The following SLC41A3 variants were observed in gnomAD, a reference collection of about 807,000 sequenced individuals.
The protein encoded by SLC41A3 is SLC41A1-like 2.
In SLC41A3, 44 loss-of-function variants were observed where a neutral mutation model predicts 45.4. The observed-to-expected ratio is 0.97, with a 90% CI of 0.76 to 1.25. The LOEUF (loss-of-function observed/expected upper bound fraction) is 1.25, where lower values mean the gene tolerates loss of function less well. SLC41A3 is among the 50% of genes most tolerant of loss of function. The probability of loss-of-function intolerance (pLI) is 0.00; values close to 1 mark genes in which losing one functional copy is unlikely to be tolerated. For synonymous variants in SLC41A3, 256 were observed against 252.4 expected, an observed-to-expected ratio of 1.01 and a Z score of -0.13; for missense variants, 550 against 600.6, an observed-to-expected ratio of 0.92 and a Z score of 0.88.
chr3:126,048,090 A>AT (rs1451493718), intron 3 of SLC41A3, among the ~76,000 whole-genome samples: 1 of 152,212 alleles, frequency 6.6e-6, no homozygotes, highest in Non-Finnish European at 1.5e-5. Context: ...AGTTTTCCAA[A>AT]GAAGACATAC....
intron 9 of SLC41A3, among the ~76,000 whole-genome samples, chr3:126,010,557 A>G (rs1939601405): frequency 6.6e-6 from 1 of 152,364 alleles, no homozygotes; most frequent in South Asian, 2.1e-4. Context: ...CTTTCAGACA[A>G]TAACTCTATT....
At chr3:126,046,961 CAA>C (rs36095026) in intron 3 of SLC41A3, among the ~76,000 whole-genome samples, 9 of 81,214 alleles carry the variant, frequency 1.1e-4, no homozygotes, top group Non-Finnish European at 1.5e-4. Flanking sequence ...AACTCCATCT[CAA>C]AAAAAAAAAA....
At chr3:126,070,947 G>A (rs539192140) in intron 1 of SLC41A3, among the ~76,000 whole-genome samples, 3 of 151,792 alleles carry the variant, frequency 2.0e-5, no homozygotes, top group South Asian at 2.1e-4. Context: ...ATCCAAACAC[G>A]ATTATTATAA....
intron 3 of SLC41A3, among the ~76,000 whole-genome samples, chr3:126,045,955 C>A (rs575345172): frequency 6.6e-6 from 1 of 151,372 alleles, no homozygotes; most frequent in Non-Finnish European, 1.5e-5. Flanking sequence ...GCTCCACATA[C>A]AAAAATCAAT....
intron 1 of SLC41A3, among the ~76,000 whole-genome samples, chr3:126,074,225 A>G (rs1944767934): frequency 6.6e-6 from 1 of 151,810 alleles, no homozygotes; most frequent in Non-Finnish European, 1.5e-5. Flanking sequence ...CTAGACATTA[A>G]GACAAGAATT....
Position 126,023,031 on chromosome 3 carries a change from G to A in SLC41A3, c.599-99C>T, listed in dbSNP as rs535471718. On this transcript the variant is annotated intron_variant, in intron 5 of 10. Coordinates refer to ENST00000360370, the MANE Select transcript of SLC41A3 (RefSeq NM_017836.4). ...ACAGGGATGGGCGGCACTGAGTAGGGACTGGCAGGTGGCAGGGAGGCTGCT... is the reference window on the plus strand; with the variant it reads ...ACAGGGATGGGCGGCACTGAGTAGGAACTGGCAGGTGGCAGGGAGGCTGCT... 48 of 1,494,000 alleles carry A rather than the reference G, an allele frequency of 3.2e-5. 1 individual carries two copies. The South Asian group carries it at 5.4e-4, about 17-fold the overall frequency. 92.5% of individuals were successfully genotyped at this position (1,494,000 alleles called of 1,614,324 possible). A position where few individuals can be genotyped will look rare whatever the true frequency, so the allele number is the denominator to read the frequency against.
chr3:126,012,639 G>A lies in SLC41A3; in HGVS notation c.1081C>T (p.Pro361Ser). 1 of 1,614,180 alleles carries A rather than the reference G, an allele frequency of 6.2e-7. No individual in the cohort carries two copies. The highest frequency in any genetic ancestry group is 8.5e-7 in the Non-Finnish European group (1 of 1,180,044). Residue 361 changes from proline to serine, a missense_variant, in exon 9 of 11, where the codon CCG (proline) becomes TCG (serine). Coordinates refer to ENST00000360370, the MANE Select transcript of SLC41A3 (RefSeq NM_017836.4). ...CCTGACGTGCAGAAAGTAGAACACG[G>A]GTTGGGCCAGAATTTCTTCATCTGG... ...PLQMKKFWPN[P>S]CSTFCTSEIN...
chr3:126,061,086 G>A (rs1944041039), intron 2 of SLC41A3, among the ~76,000 whole-genome samples: 1 of 152,146 alleles, frequency 6.6e-6, no homozygotes, highest in Admixed American at 6.5e-5. Flanking sequence ...ACACTGCAGT[G>A]GGAACTGCTT....
At chr3:126,008,058 A>C (rs1939294618) in intron 10 of SLC41A3, among the ~76,000 whole-genome samples, 1 of 151,912 alleles carries the variant, frequency 6.6e-6, no homozygotes, top group Non-Finnish European at 1.5e-5. Flanking sequence ...CTGCCCACCC[A>C]CCGTTGGGGA....
intron 2 of SLC41A3, among the ~76,000 whole-genome samples, chr3:126,052,272 C>A (rs1051083626): frequency 6.6e-6 from 1 of 152,170 alleles, no homozygotes; most frequent in African/African-American, 2.4e-5. Context: ...AGCCTGCACA[C>A]CCTCCACATA....
At chr3:126,031,139 A>G (rs55776343) in intron 4 of SLC41A3, among the ~76,000 whole-genome samples, 24,423 of 152,222 alleles carry the variant, frequency 0.16, 2,150 homozygotes, top group African/African-American at 0.22. Flanking sequence ...ATGGGCACAC[A>G]CATTTATATG....
chr3:126,070,768 C>T (rs913417203), intron 1 of SLC41A3, among the ~76,000 whole-genome samples: 1 of 152,118 alleles, frequency 6.6e-6, no homozygotes, highest in Non-Finnish European at 1.5e-5. Context: ...GAATTAGGAT[C>T]CTAGACACTA....
chr3:126,095,332 G>A (rs769671377), intron 1 of SLC41A3: 8 of 581,604 alleles, frequency 1.4e-5, no homozygotes, highest in Non-Finnish European at 2.4e-5. Context: ...GACCCCAACT[G>A]TCACAAGCAA....
In SLC41A3 at chr3:126,068,079, G is replaced by A. The variant is rs142041472; in HGVS notation, c.141C>T (p.Ser47=). 8.7e-6 allele frequency: 14 copies of A among 1,613,664 alleles called. No homozygotes were observed. The highest frequency in any genetic ancestry group is 2.2e-5 in the South Asian group (2 of 91,060). Residue 47 remains serine, a synonymous_variant, in exon 2 of 11, where the codon AGC becomes AGT. Coordinates refer to ENST00000360370, the MANE Select transcript of SLC41A3 (RefSeq NM_017836.4). Reference sequence around the variant, plus strand: ...CAGTCTCCAGTGGCTTGGGGGTCACGCTTTGGCTCTCAGGGGCCCTGAGAG... The same window carrying A: ...CAGTCTCCAGTGGCTTGGGGGTCACACTTTGGCTCTCAGGGGCCCTGAGAG... The part of the protein sequence containing the change: ...DGALRAPESQ[S]VTPKPLETEP...
intron 10 of SLC41A3, among the ~76,000 whole-genome samples, chr3:126,007,544 C>T (rs1016293831): frequency 2.0e-5 from 3 of 152,278 alleles, no homozygotes; most frequent in East Asian, 1.9e-4. Context: ...GGGACTTTGC[C>T]GAGATGTCCA....
chr3:126,083,133 G>A (rs1438551962), intron 1 of SLC41A3, among the ~76,000 whole-genome samples: 1 of 152,218 alleles, frequency 6.6e-6, no homozygotes. Context: ...CTCAACCCCA[G>A]TTCAGACTCC....
intron 3 of SLC41A3, among the ~76,000 whole-genome samples, chr3:126,035,756 A>G (rs918351367): frequency 1.3e-5 from 2 of 152,134 alleles, no homozygotes; most frequent in Non-Finnish European, 2.9e-5. Context: ...TCTAGAACAG[A>G]GCCAGAAGGC....
intron 6 of SLC41A3, among the ~76,000 whole-genome samples, chr3:126,022,429 G>T (rs1940965483): frequency 6.6e-6 from 1 of 152,232 alleles, no homozygotes; most frequent in Non-Finnish European, 1.5e-5. Flanking sequence ...GCAGCATTTG[G>T]TGAGGGCCTT....
rs57581225 is a variant in SLC41A3, at chr3:126,044,895, C to CAAAAAAAAAAAAAAAAAAAAAAAAAAAAA, written c.381+6019_381+6047dup. 4.8e-5 allele frequency among the ~76,000 whole-genome samples: 4 copies of CAAAAAAAAAAAAAAAAAAAAAAAAAAAAA among 82,718 alleles called. 2 individuals are homozygous for CAAAAAAAAAAAAAAAAAAAAAAAAAAAAA. The highest frequency in any genetic ancestry group is 2.4e-4 in the African/African-American group (4 of 16,564). 54.3% of individuals were successfully genotyped at this position (82,718 alleles called of 152,430 possible). Reference sequence around the variant, plus strand: ...TGGGCGACAGAGCGAGACTCCATCTCAAAAAAAAAAAAAAAAAAAAAAAAA... The same window carrying CAAAAAAAAAAAAAAAAAAAAAAAAAAAAA: ...TGGGCGACAGAGCGAGACTCCATCTCAAAAAAAAAAAAAAAAAAAAAAAAAAAAAAAAAAAAAAAAAAAAAAAAAAAAAA... On this transcript the variant is annotated intron_variant, in intron 3 of 10. Transcript: ENST00000360370.
Sources: allele counts gnomAD v4.1 joint callset (sites outside exome capture counted in the v4.1 genomes callset), GRCh38; gene constraint gnomAD v4.1.1; transcripts MANE v1.5; gene names NCBI Gene and HGNC (gene_info 2026-07-23, HGNC 2026-07-21).